Variants in INPP4B observed in about 807,000 individuals in gnomAD.
INPP4B encodes inositol polyphosphate 4-phosphatase type II.
A neutral mutation model predicts 122.5 loss-of-function variants in INPP4B; 55 were observed. The observed-to-expected ratio is 0.45, with a 90% CI of 0.36 to 0.56. INPP4B has a LOEUF of 0.56. INPP4B is among the 20% of genes least tolerant of loss of function. The pLI, the probability that INPP4B is intolerant of heterozygous loss-of-function variation, is 0.00. For missense variants in INPP4B, 1,000 were observed against 1,097.7 expected, an observed-to-expected ratio of 0.91 and a Z score of 1.26; for synonymous variants, 403 against 388.7, an observed-to-expected ratio of 1.04 and a Z score of -0.43.
chr4:142,807,584 T>C (rs1056772002), intron 1 of INPP4B, among the ~76,000 whole-genome samples: 3 of 152,134 alleles, frequency 2.0e-5, no homozygotes, highest in Non-Finnish European at 4.4e-5. Context: ...TCTGTTCACC[T>C]GGTTAGCAAT....
intron 2 of INPP4B, among the ~76,000 whole-genome samples, chr4:142,641,767 C>A (rs941419866): frequency 5.9e-5 from 9 of 152,092 alleles, no homozygotes; most frequent in African/African-American, 1.9e-4. Flanking sequence ...ATTTATAGTC[C>A]TTTGGGTATA....
At chr4:142,677,524 T>C (rs1267037217) in intron 2 of INPP4B, among the ~76,000 whole-genome samples, 1 of 152,032 alleles carries the variant, frequency 6.6e-6, no homozygotes, top group East Asian at 1.9e-4. Context: ...ATCATTCTAG[T>C]ATAAAGACAC....
intron 3 of INPP4B, among the ~76,000 whole-genome samples, chr4:142,437,826 G>T (rs1245813285): frequency 6.6e-6 from 1 of 152,070 alleles, no homozygotes; most frequent in Non-Finnish European, 1.5e-5. Flanking sequence ...ATTAAACTAG[G>T]AAGAAGTCAA....
Position 142,074,378 on chromosome 4 carries a change from C to T in INPP4B, c.2642+7653G>A, listed in dbSNP as rs528995328. Reference sequence around the variant, plus strand: ...TTAAACAAAGATAGCACTTTTCATCCATCAGATGGTTAAAAACTCTTACAG... The same window carrying T: ...TTAAACAAAGATAGCACTTTTCATCTATCAGATGGTTAAAAACTCTTACAG... On this transcript the variant is annotated intron_variant, in intron 25 of 25. Coordinates refer to ENST00000262992, the MANE Select transcript of INPP4B (RefSeq NM_001101669.3). 4.9e-4 allele frequency among the ~76,000 whole-genome samples: 74 copies of T among 152,088 alleles called. 2 individuals carry two copies. The South Asian group carries it at 6.6e-3, about 14-fold the overall frequency.
intron 24 of INPP4B, among the ~76,000 whole-genome samples, chr4:142,083,483 C>T (rs954653827): frequency 1.3e-5 from 2 of 152,126 alleles, no homozygotes; most frequent in Non-Finnish European, 2.9e-5. Context: ...TAATCAACTT[C>T]GGCATTACAA....
chr4:142,615,349 C>CA lies in INPP4B; in HGVS notation c.-191+110489dup, dbSNP rs144525179. On this transcript the variant is annotated intron_variant, in intron 2 of 25. Coordinates refer to ENST00000262992, the MANE Select transcript of INPP4B (RefSeq NM_001101669.3). ...ATGGAAGTTATATGTTGATTTGATC[C>CA]AAAAAGATAGATATCTACAGGTTAT... is the stretch of plus-strand genomic sequence containing the variant. Among the ~76,000 whole-genome samples, 1,347 of 152,088 alleles carry CA rather than the reference C, an allele frequency of 8.9e-3. 25 individuals are homozygous for CA. The highest frequency in any genetic ancestry group is 0.031 in the African/African-American group (1,278 of 41,490).
At chr4:142,699,897 T>C (rs1220602990) in intron 2 of INPP4B, among the ~76,000 whole-genome samples, 1 of 152,166 alleles carries the variant, frequency 6.6e-6, no homozygotes, top group Non-Finnish European at 1.5e-5. Context: ...CAACTCCTCT[T>C]GCCTACTCAA....
chr4:142,220,096 G>C (rs911608908), intron 12 of INPP4B, among the ~76,000 whole-genome samples: 1 of 152,172 alleles, frequency 6.6e-6, no homozygotes, highest in African/African-American at 2.4e-5. Context: ...AAATGACTGA[G>C]AAGTACAGTG....
intron 7 of INPP4B, among the ~76,000 whole-genome samples, chr4:142,336,786 G>C (rs1776773445): frequency 6.6e-6 from 1 of 152,220 alleles, no homozygotes; most frequent in African/African-American, 2.4e-5. Flanking sequence ...CCAGGCAGAG[G>C]CGCCACTGGC....
chr4:142,608,474 C>T (rs1186638389), intron 2 of INPP4B, among the ~76,000 whole-genome samples: 1 of 152,096 alleles, frequency 6.6e-6, no homozygotes, highest in Non-Finnish European at 1.5e-5. Context: ...CTACATTTTT[C>T]TTTCTTAATA....
intron 2 of INPP4B, among the ~76,000 whole-genome samples, chr4:142,671,456 A>C (rs958982388): frequency 6.6e-6 from 1 of 152,054 alleles, no homozygotes; most frequent in Non-Finnish European, 1.5e-5. Flanking sequence ...TTGCTCTTAC[A>C]ATGCTTTTTC....
chr4:142,267,512 T>C (rs771818926), intron 10 of INPP4B, among the ~76,000 whole-genome samples: 3 of 152,182 alleles, frequency 2.0e-5, no homozygotes, highest in African/African-American at 4.8e-5. Context: ...GATGTCCACA[T>C]GCAGAAAAAT....
intron 2 of INPP4B, among the ~76,000 whole-genome samples, chr4:142,574,875 T>C (rs1194607493): frequency 6.6e-6 from 1 of 152,066 alleles, no homozygotes. Context: ...TGACCCACTA[T>C]GAATGAAGCT....
At chr4:142,300,511 G>T (rs1181634917) in intron 9 of INPP4B, among the ~76,000 whole-genome samples, 5 of 151,976 alleles carry the variant, frequency 3.3e-5, no homozygotes, top group African/African-American at 1.2e-4. Context: ...TCACAATTTG[G>T]ATCTTACATC....
At chr4:142,468,568 C>T (rs1409124753) in intron 2 of INPP4B, among the ~76,000 whole-genome samples, 1 of 152,108 alleles carries the variant, frequency 6.6e-6, no homozygotes, top group Non-Finnish European at 1.5e-5. Context: ...ATGCCCCTCT[C>T]CGGGGAGAGT....
intron 2 of INPP4B, among the ~76,000 whole-genome samples, chr4:142,611,542 T>C (rs1742501327): frequency 6.6e-6 from 1 of 152,024 alleles, no homozygotes; most frequent in East Asian, 1.9e-4. Flanking sequence ...CTTTTATTTT[T>C]TCGTTTGTAA....
intron 18 of INPP4B, among the ~76,000 whole-genome samples, chr4:142,129,842 C>T (rs1382187328): frequency 6.6e-6 from 1 of 152,088 alleles, no homozygotes; most frequent in Non-Finnish European, 1.5e-5. Context: ...ATTGCTCCCC[C>T]CCTCCTTTTT....
intron 14 of INPP4B, among the ~76,000 whole-genome samples, chr4:142,203,029 T>C (rs1185741287): frequency 6.6e-6 from 1 of 152,080 alleles, no homozygotes; most frequent in Non-Finnish European, 1.5e-5. Flanking sequence ...GAAGGAGAGA[T>C]TGTCTCTGAA....
intron 2 of INPP4B, among the ~76,000 whole-genome samples, chr4:142,505,416 TG>T (rs934557298): frequency 3.3e-5 from 5 of 151,840 alleles, no homozygotes; most frequent in African/African-American, 1.2e-4. Context: ...AGGAAGGGAG[TG>T]GGCCCACGGG....
Sources: gnomAD v4.1 joint callset for allele counts (sites outside exome capture counted in the v4.1 genomes callset) on GRCh38, gnomAD v4.1.1 for gene constraint, MANE v1.5 for transcripts, NCBI Gene and HGNC (gene_info 2026-07-23, HGNC 2026-07-21) for gene names.